Variants in SGCZ observed in about 807,000 individuals in gnomAD.
SGCZ encodes the protein sarcoglycan zeta.
In SGCZ, 40 loss-of-function variants were observed where a neutral mutation model predicts 41.3. That is an observed-to-expected ratio of 0.97 (90% CI 0.75 to 1.26). The LOEUF (loss-of-function observed/expected upper bound fraction) is 1.26, where lower values mean the gene tolerates loss of function less well. SGCZ is among the 50% of genes most tolerant of loss of function. SGCZ has a pLI of 0.00. For missense variants in SGCZ, 552 were observed against 369.8 expected, an observed-to-expected ratio of 1.49 and a Z score of -4.04; for synonymous variants, 206 against 137.5, an observed-to-expected ratio of 1.50 and a Z score of -3.49.
intron 1 of SGCZ, among the ~76,000 whole-genome samples, chr8:15,149,942 G>C (rs1027404646): frequency 6.6e-6 from 1 of 152,132 alleles, no homozygotes. Context: ...ATGCCAAGGA[G>C]TACAGTGTAG....
intron 1 of SGCZ, among the ~76,000 whole-genome samples, chr8:15,121,528 C>G (rs1262260483): frequency 6.6e-6 from 1 of 152,128 alleles, no homozygotes; most frequent in African/African-American, 2.4e-5. Flanking sequence ...AAGATGCTTA[C>G]AGTAGTCTAG....
At chr8:14,466,929 T>C (rs1801067489) in intron 2 of SGCZ, among the ~76,000 whole-genome samples, 1 of 151,934 alleles carries the variant, frequency 6.6e-6, no homozygotes, top group African/African-American at 2.4e-5. Flanking sequence ...CTTTGTCTCG[T>C]GGATCTGTCA....
At chr8:14,338,563 C>A (rs1229701789) in intron 2 of SGCZ, among the ~76,000 whole-genome samples, 2 of 152,188 alleles carry the variant, frequency 1.3e-5, no homozygotes, top group African/African-American at 4.8e-5. Context: ...ATCCTGCTCC[C>A]TGATGGAATG....
intron 1 of SGCZ, among the ~76,000 whole-genome samples, chr8:14,673,552 C>T (rs59633649): frequency 9.9e-5 from 15 of 152,026 alleles, no homozygotes; most frequent in African/African-American, 3.6e-4. Flanking sequence ...TGAGGCCTCC[C>T]AATCCATGTG....
chr8:14,453,423 GTTTAT>G (rs1166670177), intron 2 of SGCZ, among the ~76,000 whole-genome samples: 1 of 152,028 alleles, frequency 6.6e-6, no homozygotes, highest in Non-Finnish European at 1.5e-5. Context: ...AGACATTTTT[GTTTAT>G]TTTGTCTTTT....
chr8:14,416,410 A>T (rs1799494393), intron 2 of SGCZ, among the ~76,000 whole-genome samples: 1 of 151,898 alleles, frequency 6.6e-6, no homozygotes, highest in Admixed American at 6.6e-5. Context: ...GAGTATAAGC[A>T]AGATAATAGT....
chr8:14,212,467 C>CAAAAAAAAAAAAA (rs33947419), intron 4 of SGCZ, among the ~76,000 whole-genome samples: 5 of 97,954 alleles, frequency 5.1e-5, no homozygotes, highest in African/African-American at 1.5e-4. Flanking sequence ...ATGCAAAAGA[C>CAAAAAAAAAAAAA]AAAAAAAAAA....
rs1056021981 is a variant in SGCZ, at chr8:14,382,549, C to G, written c.235-58345G>C. Among the ~76,000 whole-genome samples, 11 of 152,276 alleles carry G rather than the reference C, an allele frequency of 7.2e-5. No homozygotes were observed. The East Asian group carries it at 1.7e-3, about 24-fold the overall frequency. On this transcript the variant is annotated intron_variant, in intron 2 of 7. Transcript: ENST00000382080. ...CTAAAACTCCTAAGGCACATACCAGCTCACATAGGACCCTTAAAGTGATGA... is the reference window on the plus strand; with the variant it reads ...CTAAAACTCCTAAGGCACATACCAGGTCACATAGGACCCTTAAAGTGATGA...
intron 1 of SGCZ, among the ~76,000 whole-genome samples, chr8:14,792,639 C>A (rs1410863914): frequency 5.9e-5 from 9 of 152,056 alleles, no homozygotes; most frequent in Admixed American, 5.9e-4. Flanking sequence ...CATATGTATA[C>A]ATATGCCATG....
At chr8:15,203,889 A>C (rs1316081611) in intron 1 of SGCZ, among the ~76,000 whole-genome samples, 1 of 152,210 alleles carries the variant, frequency 6.6e-6, no homozygotes, top group African/African-American at 2.4e-5. Context: ...GGATTCATTT[A>C]TTCTACTTTA....
At chr8:14,778,093 AT>A (rs906511787) in intron 1 of SGCZ, among the ~76,000 whole-genome samples, 1 of 151,006 alleles carries the variant, frequency 6.6e-6, no homozygotes, top group African/African-American at 2.4e-5. Flanking sequence ...CTGGCTAATA[AT>A]TTTTTTTTGT....
intron 1 of SGCZ, among the ~76,000 whole-genome samples, chr8:14,727,107 T>G (rs1283939057): frequency 6.6e-6 from 1 of 151,950 alleles, no homozygotes; most frequent in Non-Finnish European, 1.5e-5. Flanking sequence ...CACATACAAG[T>G]AAATACCAAG....
chr8:14,834,181 A>T (rs1802621876), intron 1 of SGCZ, among the ~76,000 whole-genome samples: 1 of 152,168 alleles, frequency 6.6e-6, no homozygotes, highest in Non-Finnish European at 1.5e-5. Context: ...TTTTTTCCTG[A>T]ACAACTGTGT....
At chr8:14,922,605 C>G (rs974970726) in intron 1 of SGCZ, among the ~76,000 whole-genome samples, 1 of 152,086 alleles carries the variant, frequency 6.6e-6, no homozygotes, top group Non-Finnish European at 1.5e-5. Context: ...AAACTATATT[C>G]CTAGATTCTC....
chr8:14,703,384 T>G (rs1040420286), intron 1 of SGCZ, among the ~76,000 whole-genome samples: 1 of 151,952 alleles, frequency 6.6e-6, no homozygotes, highest in Non-Finnish European at 1.5e-5. Flanking sequence ...TCCACATATT[T>G]GCACGACTTA....
At chr8:14,765,047 A>T (rs1272255014) in intron 1 of SGCZ, among the ~76,000 whole-genome samples, 1 of 152,210 alleles carries the variant, frequency 6.6e-6, no homozygotes, top group East Asian at 1.9e-4. Context: ...TAAAATGCCT[A>T]GAAATAGGCA....
At chr8:14,639,440 A>G (rs1806945792) in intron 1 of SGCZ, among the ~76,000 whole-genome samples, 1 of 151,688 alleles carries the variant, frequency 6.6e-6, no homozygotes, top group Non-Finnish European at 1.5e-5. Context: ...ATTACTTCAT[A>G]AAGATATTAG....
chr8:14,464,631 T>C (rs1197427724), intron 2 of SGCZ, among the ~76,000 whole-genome samples: 1 of 151,522 alleles, frequency 6.6e-6, no homozygotes, highest in African/African-American at 2.4e-5. Flanking sequence ...TTCCCTTCTG[T>C]TACTTTTGGG....
Position 14,185,359 on chromosome 8 carries a change from C to T in SGCZ, c.425-20657G>A, listed in dbSNP as rs191433740. Reference sequence around the variant, plus strand: ...CGTAGGTTGCAGTGAGCCGAGATCACGCCACTGCACTCCAGCCTGGGCAAC... The same window carrying T: ...CGTAGGTTGCAGTGAGCCGAGATCATGCCACTGCACTCCAGCCTGGGCAAC... On this transcript the variant is annotated intron_variant, in intron 4 of 7. Transcript: ENST00000382080. 9.0e-3 allele frequency among the ~76,000 whole-genome samples: 1,364 copies of T among 152,096 alleles called. 13 individuals carry two copies. Among genetic ancestry groups the T allele is most frequent in the Non-Finnish European group, 0.014 (941 of 67,992 alleles).
Sources: gnomAD v4.1 joint callset for allele counts (sites outside exome capture counted in the v4.1 genomes callset) on GRCh38, gnomAD v4.1.1 for gene constraint, MANE v1.5 for transcripts, NCBI Gene and HGNC (gene_info 2026-07-23, HGNC 2026-07-21) for gene names.